The following PFKP variants were observed in gnomAD, a reference collection of about 807,000 sequenced individuals.
PFKP encodes the protein phosphofructokinase, platelet, also known as ATP-dependent 6-phosphofructokinase, platelet type.
PFKP carries 101 observed loss-of-function variants against 94.3 expected under a neutral mutation model. The observed-to-expected ratio is 1.07, with a 90% CI of 0.91 to 1.26. PFKP has a LOEUF of 1.26. Ranked by LOEUF, PFKP falls within the 50% of genes most tolerant of loss-of-function variation. The pLI is 0.00. For synonymous variants in PFKP, 573 were observed against 432.6 expected (o/e 1.32, Z -4.03); for missense variants, 1,145 against 1,103.3 (o/e 1.04, Z -0.53).
chr10:3,132,334 A>C, intron 17 of PFKP, 46 bp from the exon 18 acceptor site: 1 of 1,358,480 alleles, frequency 7.4e-7, no homozygotes, highest in Non-Finnish European at 1.1e-6. Context: ...CACAGTAGGT[A>C]CTTAGTAGAA....
rs375263896 is a variant in PFKP at position 3,133,180 on chromosome 10, T to G, written c.1911-23T>G. ...CGTGCCCACTGCACGCTAAACAAAG[T>G]GACTCCTTCTCGCTCGTTTCAGAAA... is the stretch of plus-strand genomic sequence containing the variant. On this transcript the variant is annotated intron_variant, in intron 18 of 21. Transcript: ENST00000381125. 32 of 1,580,122 alleles carry G rather than the reference T, an allele frequency of 2.0e-5. No homozygotes were observed. The African/African-American group carries it at 3.5e-4, about 17-fold the overall frequency.
chr10:3,113,282 C>T, intron 12 of PFKP, 90 bp from the exon 13 acceptor site: 1 of 1,575,702 alleles, frequency 6.3e-7, no homozygotes, highest in Non-Finnish European at 8.7e-7. Context: ...GTTTTCAGGC[C>T]TGGCACGGCA....
At chr10:3,135,909 G>T in intron 21 of PFKP, 71 bp downstream of exon 21, 1 of 888,484 alleles carries the variant, frequency 1.1e-6, no homozygotes, top group Non-Finnish European at 1.9e-6. Context: ...GGCCATTGCT[G>T]TTGCTGTCGG....
chr10:3,091,609 G>A (rs541659684), intron 2 of PFKP, among the ~76,000 whole-genome samples: 31 of 152,212 alleles, frequency 2.0e-4, no homozygotes, highest in African/African-American at 7.5e-4. Flanking sequence ...GAGGTCAGGA[G>A]TTAAAGACCA....
intron 16 of PFKP, among the ~76,000 whole-genome samples, chr10:3,121,801 T>A (rs1837439008): frequency 2.2e-5 from 1 of 46,368 alleles, no homozygotes; most frequent in Admixed American, 2.6e-4. Context: ...TTCTTTTTTT[T>A]TCTTTTTTTT....
intron 1 of PFKP, among the ~76,000 whole-genome samples, chr10:3,077,874 A>T (rs1243778214): frequency 2.0e-5 from 3 of 152,226 alleles, no homozygotes; most frequent in African/African-American, 7.2e-5. Context: ...CCGCTCCCTC[A>T]TTATCTCCAA....
intron 4 of PFKP, 56 bp downstream of exon 4, chr10:3,101,610 G>A (rs1187886748): frequency 7.9e-7 from 1 of 1,262,836 alleles, no homozygotes; most frequent in Non-Finnish European, 1.1e-6. Flanking sequence ...TCAGAGCTTT[G>A]GAACCGACAG....
intron 17 of PFKP, 118 bp from the exon 18 acceptor site, chr10:3,132,262 G>T: frequency 2.8e-6 from 2 of 706,422 alleles, no homozygotes; most frequent in Non-Finnish European, 5.2e-6. Flanking sequence ...GAGAGCTGCA[G>T]CCTCCTTGGC....
chr10:3,110,267 T>C lies in PFKP; in HGVS notation c.1089+787T>C, dbSNP rs570475647. 4.1e-3 allele frequency among the ~76,000 whole-genome samples: 618 copies of C among 152,108 alleles called. 4 individuals are homozygous for C. Among genetic ancestry groups the C allele is most frequent in the Non-Finnish European group, 6.2e-3 (424 of 67,994 alleles). On this transcript the variant is annotated intron_variant, in intron 10 of 21. Coordinates refer to ENST00000381125, the MANE Select transcript of PFKP (RefSeq NM_002627.5). ...AGGCTAGAGTGCAGTGGCGTGATCT[T>C]GGCTCACTGCAAGCTCCGCCTCCTG...
At chr10:3,136,361 C>T in intron 21 of PFKP, 89 bp from the exon 22 acceptor site, 1 of 1,408,346 alleles carries the variant, frequency 7.1e-7, no homozygotes, top group South Asian at 1.2e-5. Flanking sequence ...CCCTGTGTTT[C>T]TGGCAAGACC....
intron 2 of PFKP, among the ~76,000 whole-genome samples, chr10:3,095,400 T>G (rs1834400709): frequency 6.6e-6 from 1 of 152,190 alleles, no homozygotes; most frequent in African/African-American, 2.4e-5. Context: ...TCGAATAAGT[T>G]GAAATGACTT....
chr10:3,075,911 A>C (rs1294566749), intron 1 of PFKP, among the ~76,000 whole-genome samples: 1 of 149,632 alleles, frequency 6.7e-6, no homozygotes, highest in Admixed American at 6.7e-5. Context: ...TCGCAAAAAA[A>C]AAAAAAAAAA....
intron 15 of PFKP, among the ~76,000 whole-genome samples, chr10:3,119,170 G>A (rs1837138188): frequency 1.3e-5 from 2 of 152,152 alleles, no homozygotes; most frequent in African/African-American, 4.8e-5. Flanking sequence ...TATCTCTTGA[G>A]TCCAGAGTCC....
intron 1 of PFKP, among the ~76,000 whole-genome samples, chr10:3,077,265 T>TC (rs1380749545): frequency 8.6e-6 from 1 of 116,482 alleles, no homozygotes; most frequent in Non-Finnish European, 1.9e-5. Context: ...TTTTTTCTTT[T>TC]TTTTTTTTTT....
At chr10:3,129,129 G>T (rs1838276089) in intron 16 of PFKP, 1 of 152,288 alleles carries the variant, frequency 6.6e-6, no homozygotes, top group African/African-American at 2.4e-5. Flanking sequence ...TGTATGGGTG[G>T]GAAGGCGGCC....
chr10:3,077,781 G>A (rs1832736312), intron 1 of PFKP, among the ~76,000 whole-genome samples: 2 of 152,176 alleles, frequency 1.3e-5, no homozygotes, highest in Admixed American at 1.3e-4. Flanking sequence ...TTGTGGTTTA[G>A]TAAGAAGCTG....
intron 2 of PFKP, among the ~76,000 whole-genome samples, chr10:3,090,196 A>G (rs1175769008): frequency 6.6e-6 from 1 of 152,240 alleles, no homozygotes; most frequent in African/African-American, 2.4e-5. Flanking sequence ...TTTTTAAGCC[A>G]TTAGAAAACC....
chr10:3,127,510 G>C (rs1268777405), intron 16 of PFKP, among the ~76,000 whole-genome samples: 2 of 152,216 alleles, frequency 1.3e-5, no homozygotes, highest in African/African-American at 4.8e-5. Flanking sequence ...TTGTGCCTCT[G>C]GGGGTCCTGA....
chr10:3,081,231 C>G (rs1833049203), intron 1 of PFKP, among the ~76,000 whole-genome samples: 1 of 152,162 alleles, frequency 6.6e-6, no homozygotes, highest in South Asian at 2.1e-4. Context: ...AATGGTGACT[C>G]CAGCATCGCT....
Sources: allele counts gnomAD v4.1 joint callset (sites outside exome capture counted in the v4.1 genomes callset), GRCh38; gene constraint gnomAD v4.1.1; transcripts MANE v1.5; gene names NCBI Gene and HGNC (gene_info 2026-07-23, HGNC 2026-07-21).